TGFBR1: variants seen among roughly 807,000 people sequenced by gnomAD.
TGFBR1 encodes TGF-beta receptor type-1.
Under a neutral mutation model 55.1 loss-of-function variants are expected in TGFBR1, and 20 were observed. That is an observed-to-expected ratio of 0.36 (90% CI 0.26 to 0.53). The LOEUF is 0.53. Among genes scored for constraint, TGFBR1 ranks in the 20% least tolerant of loss-of-function variants. The pLI is 0.91. For synonymous variants in TGFBR1, 220 were observed against 214.8 expected (o/e 1.02, Z -0.21); for missense variants, 385 against 617.6 (o/e 0.62, Z 3.99).
chr9:99,139,213 AT>A (rs951586895), intron 4 of TGFBR1, among the ~76,000 whole-genome samples: 1 of 151,890 alleles, frequency 6.6e-6, no homozygotes, highest in Non-Finnish European at 1.5e-5. Context: ...AAAAAAAAAA[AT>A]GCTGTCATTA....
At chr9:99,103,804 G>A (rs1221620307), upstream of TGFBR1, among the ~76,000 whole-genome samples, 1 of 152,166 alleles carries the variant, frequency 6.6e-6, no homozygotes, top group Non-Finnish European at 1.5e-5. Context: ...CAATATCCAC[G>A]CCTTTTCCCT....
intron 1 of TGFBR1, among the ~76,000 whole-genome samples, chr9:99,125,431 T>G (rs970881798): frequency 1.3e-5 from 2 of 152,228 alleles, no homozygotes; most frequent in Non-Finnish European, 2.9e-5. Context: ...ATACCTACAA[T>G]TATATTTACT....
intron 1 of TGFBR1, among the ~76,000 whole-genome samples, chr9:99,127,286 G>A (rs1362115741): frequency 2.6e-5 from 4 of 152,168 alleles, no homozygotes; most frequent in Non-Finnish European, 5.9e-5. Flanking sequence ...AGGGAAGTTC[G>A]CTTGAGCCTT....
rs139975965 is a variant in TGFBR1, at chr9:99,141,798, T to A, written c.806-738T>A. ...TAGCTAGTGTCTTTACCATTATTCC[T>A]ATGAGAAAACATGTTTTAAACTCGT... On this transcript the variant is annotated intron_variant, in intron 4 of 8. Coordinates refer to ENST00000374994, the MANE Select transcript of TGFBR1 (RefSeq NM_004612.4). Among the ~76,000 whole-genome samples, 12 of 152,350 alleles carry A rather than the reference T, an allele frequency of 7.9e-5. No individual in the cohort carries two copies. The East Asian group carries it at 2.3e-3, about 29-fold the overall frequency.
At position 99,150,859 on chromosome 9, in the gene TGFBR1, G is replaced by GT. The variant is rs2118880845; in HGVS notation, c.*1559dup. On this transcript the variant is annotated 3_prime_UTR_variant, in exon 9 of 9. Coordinates refer to ENST00000374994, the MANE Select transcript of TGFBR1 (RefSeq NM_004612.4). ...AGTTGAAACTAGCTTATAATAACTGGTTTTTACTTCCAATGCTATGAAGTC... is the reference window on the plus strand; with the variant it reads ...AGTTGAAACTAGCTTATAATAACTGGTTTTTTACTTCCAATGCTATGAAGTC... 1 of 220,496 alleles carries GT rather than the reference G, an allele frequency of 4.5e-6. No homozygotes were observed. The highest frequency in any genetic ancestry group is 1.8e-4 in the South Asian group (1 of 5,430). The allele number at this position is 220,496 out of a possible 1,614,324, so 13.7% of individuals were successfully genotyped here. A position where few individuals can be genotyped will look rare whatever the true frequency, so the allele number is the denominator to read the frequency against.
rs1827919456 is a variant in TGFBR1 at position 99,149,563 on chromosome 9, A to G, written c.*258A>G. 2.2e-6 allele frequency: 1 copy of G among 450,066 alleles called. No individual in the cohort carries two copies. The allele number at this position is 450,066 out of a possible 1,614,324, so 27.9% of individuals were successfully genotyped here. ...AGTCTACCTTTATTTTTTATTAACA[A>G]AACTTGTTTTTTAAAAAGATGATTG... On this transcript the variant is annotated 3_prime_UTR_variant, in exon 9 of 9. Coordinates refer to ENST00000374994, the MANE Select transcript of TGFBR1 (RefSeq NM_004612.4).
chr9:99,132,444 G>A, intron 2 of TGFBR1, 65 bp from the exon 3 acceptor site: 1 of 1,602,970 alleles, frequency 6.2e-7, no homozygotes, highest in Non-Finnish European at 8.5e-7. Context: ...TTGGGAAAAT[G>A]GGGGTTGCCA....
At position 99,144,736 on chromosome 9, in the gene TGFBR1, G is replaced by A; in HGVS notation, c.978G>A (p.Lys326=). 1 of 1,613,734 alleles carries A rather than the reference G, an allele frequency of 6.2e-7. No individual in the cohort carries two copies. The highest frequency in any genetic ancestry group is 8.5e-7 in the Non-Finnish European group (1 of 1,179,850). Residue 326 remains lysine (K), a synonymous_variant, in exon 6 of 9, where the codon AAG becomes AAA. Transcript: ENST00000374994. ...GTTTAATTTTTGATTCTTTAGGAAA[G>A]CCAGCCATTGCTCATAGAGATTTGA... ...LHMEIVGTQG[K]PAIAHRDLKS...
At position 99,149,646 on chromosome 9, in the gene TGFBR1, G is replaced by T; in HGVS notation, c.*341G>T. The T allele has an allele frequency of 2.8e-6, 1 of 352,060 alleles. No individual in the cohort carries two copies. Among genetic ancestry groups the T allele is most frequent in the Non-Finnish European group, 5.3e-6 (1 of 187,538 alleles). 21.8% of individuals were successfully genotyped at this position (352,060 alleles called of 1,614,324 possible). ...GGAGATCATCTTTAAGGGCAAAGGAGTTGGATTGCTGAATTACAATGAAAC... is the reference window on the plus strand; with the variant it reads ...GGAGATCATCTTTAAGGGCAAAGGATTTGGATTGCTGAATTACAATGAAAC... On this transcript the variant is annotated 3_prime_UTR_variant, in exon 9 of 9. Coordinates refer to ENST00000374994, the MANE Select transcript of TGFBR1 (RefSeq NM_004612.4).
rs1212966626 is a variant in TGFBR1 at position 99,150,205 on chromosome 9, T to A, written c.*900T>A. 1 of 190,442 alleles carries A rather than the reference T, an allele frequency of 5.3e-6. No individual in the cohort carries two copies. Among genetic ancestry groups the A allele is most frequent in the East Asian group, 8.4e-5 (1 of 11,910 alleles). 11.8% of individuals were successfully genotyped at this position (190,442 alleles called of 1,614,324 possible). A position where few individuals can be genotyped will look rare whatever the true frequency, so the allele number is the denominator to read the frequency against. ...TAGTAAATTATTAGCATGGTCATGTTTGAATATTCTCACATCAAGCTTTTG... is the reference window on the plus strand; with the variant it reads ...TAGTAAATTATTAGCATGGTCATGTATGAATATTCTCACATCAAGCTTTTG... On this transcript the variant is annotated 3_prime_UTR_variant, in exon 9 of 9. Coordinates refer to ENST00000374994, the MANE Select transcript of TGFBR1 (RefSeq NM_004612.4).
intron 1 of TGFBR1, among the ~76,000 whole-genome samples, chr9:99,119,764 G>C (rs1826845936): frequency 6.6e-6 from 1 of 152,236 alleles, no homozygotes. Context: ...CTGTAGTGAA[G>C]TTCTTGAGCC....
At position 99,105,891 on chromosome 9, in the gene TGFBR1, G is replaced by T. The variant is rs574944389; in HGVS notation, c.97+589G>T. On this transcript the variant is annotated intron_variant, in intron 1 of 8. Coordinates refer to ENST00000374994, the MANE Select transcript of TGFBR1 (RefSeq NM_004612.4). The stretch of plus-strand genomic sequence containing the variant: ...GGTGAGACCCCTGGGTCCGCAGGCC[G>T]CCCTGACTCCCGCCCGGCTCGACCC... Among the ~76,000 whole-genome samples the T allele has an allele frequency of 1.8e-3, 281 of 152,346 alleles. 1 individual carries two copies. The highest frequency in any genetic ancestry group is 3.1e-3 in the Non-Finnish European group (208 of 68,028).
rs752215820 is a variant in TGFBR1 at position 99,149,154 on chromosome 9, AT to A, written c.1387-15del. On this transcript the variant is annotated intron_variant, in intron 8 of 8. Transcript: ENST00000374994. Reference sequence around the variant, plus strand: ...CCAATGGAAAATGGTGCATGCATTAATTTTTTTTTTTATATTTTCTTGTAGG... The same window carrying A: ...CCAATGGAAAATGGTGCATGCATTAATTTTTTTTTTATATTTTCTTGTAGG... 6.1e-3 allele frequency: 6,960 copies of A among 1,147,956 alleles called. No homozygotes were observed. Among genetic ancestry groups the A allele is most frequent in the East Asian group, 7.6e-3 (222 of 29,024 alleles). 71.1% of individuals were successfully genotyped at this position (1,147,956 alleles called of 1,614,324 possible). A position where few individuals can be genotyped will look rare whatever the true frequency, so the allele number is the denominator to read the frequency against.
At chr9:99,132,351 T>A (rs1409260801) in intron 2 of TGFBR1, 158 bp from the exon 3 acceptor site, 1 of 1,239,808 alleles carries the variant, frequency 8.1e-7, no homozygotes, top group Non-Finnish European at 1.1e-6. Context: ...ATTCACTTGT[T>A]CTGGGTTTGA....
At chr9:99,119,366 T>C (rs1281146995) in intron 1 of TGFBR1, among the ~76,000 whole-genome samples, 1 of 152,318 alleles carries the variant, frequency 6.6e-6, no homozygotes, top group East Asian at 1.9e-4. Flanking sequence ...TACACCTTAT[T>C]ATCTGTGCAA....
At chr9:99,115,078 A>G (rs1826697605) in intron 1 of TGFBR1, among the ~76,000 whole-genome samples, 1 of 152,190 alleles carries the variant, frequency 6.6e-6, no homozygotes, top group Non-Finnish European at 1.5e-5. Flanking sequence ...GGGAAAAACA[A>G]GCTTCTCTCT....
In TGFBR1 at chr9:99,138,048, G is replaced by T; in HGVS notation, c.764G>T (p.Arg255Leu). Residue 255 changes from arginine (R) to leucine (L), a missense_variant, in exon 4 of 9, where the codon CGT (arginine) becomes CTT (leucine). Physicochemically the swap from Arg to Leu is moderately radical, Grantham distance 102 (BLOSUM62 -2). Coordinates refer to ENST00000374994, the MANE Select transcript of TGFBR1 (RefSeq NM_004612.4). ...EAEIYQTVMLRHENILGFIAA... is the reference protein window; with the variant it reads ...EAEIYQTVMLLHENILGFIAA... Reference sequence around the variant, plus strand: ...GAGATTTATCAAACTGTAATGTTACGTCATGAAAACATCCTGGGATTTATA... The same window carrying T: ...GAGATTTATCAAACTGTAATGTTACTTCATGAAAACATCCTGGGATTTATA... 1 of 1,613,982 alleles carries T rather than the reference G, an allele frequency of 6.2e-7. No individual in the cohort carries two copies. Among genetic ancestry groups the T allele is most frequent in the Non-Finnish European group, 8.5e-7 (1 of 1,179,934 alleles).
At position 99,128,475 on chromosome 9, in the gene TGFBR1, TAAA is replaced by T. The variant is rs66612011; in HGVS notation, c.98-358_98-356del. ...ATGTGAATGTTTAGTTTGGGCCTGG[TAAA>T]AAAAAAAAAAAAAAAAAAAAAGTAT... On this transcript the variant is annotated intron_variant, in intron 1 of 8. Transcript: ENST00000374994. Among the ~76,000 whole-genome samples the T allele has an allele frequency of 5.9e-3, 614 of 104,012 alleles. 2 individuals are homozygous for T. Among genetic ancestry groups the T allele is most frequent in the Admixed American group, 9.4e-3 (85 of 9,066 alleles). 68.2% of individuals were successfully genotyped at this position (104,012 alleles called of 152,430 possible).
At chr9:99,147,627 A>C (rs1407462394) in intron 7 of TGFBR1, 27 bp from the exon 8 acceptor site, 26 of 1,607,972 alleles carry the variant, frequency 1.6e-5, no homozygotes, top group Non-Finnish European at 2.2e-5. Flanking sequence ...AATTCATCAA[A>C]ATTTAATTTT....
Sources: allele counts gnomAD v4.1 joint callset (sites outside exome capture counted in the v4.1 genomes callset), GRCh38; gene constraint gnomAD v4.1.1; transcripts MANE v1.5; gene names NCBI Gene and HGNC (gene_info 2026-07-23, HGNC 2026-07-21).